Variants in DOCK4 observed in about 807,000 individuals in gnomAD.
DOCK4 encodes dedicator of cytokinesis protein 4.
DOCK4 carries 97 observed loss-of-function variants against 268.1 expected under a neutral mutation model. That is an observed-to-expected ratio of 0.36 (90% CI 0.31 to 0.43). The LOEUF is 0.43. Ranked by LOEUF, DOCK4 falls within the 20% of genes least tolerant of loss-of-function variation. The probability of loss-of-function intolerance (pLI) is 1.00; values close to 1 mark genes in which losing one functional copy is unlikely to be tolerated. For missense variants in DOCK4, 2,145 were observed against 2,455.7 expected (o/e 0.87, Z 2.67); for synonymous variants, 954 against 887.2 (o/e 1.08, Z -1.34).
chr7:112,201,205 G>A (rs927360722), intron 1 of DOCK4, among the ~76,000 whole-genome samples: 2 of 152,216 alleles, frequency 1.3e-5, no homozygotes, highest in South Asian at 4.1e-4. Flanking sequence ...TAACTATCCT[G>A]TATGAATACG....
chr7:111,792,264 T>C (rs1041614447), intron 30 of DOCK4, among the ~76,000 whole-genome samples: 1 of 152,240 alleles, frequency 6.6e-6, no homozygotes, highest in Non-Finnish European at 1.5e-5. Context: ...CCACTTAGAA[T>C]TTACAAGTTG....
chr7:111,960,299 G>A (rs1367992221), intron 8 of DOCK4, among the ~76,000 whole-genome samples: 1 of 150,920 alleles, frequency 6.6e-6, no homozygotes, highest in Non-Finnish European at 1.5e-5. Flanking sequence ...GGGAGGCAGA[G>A]GTTGCAGTGA....
chr7:111,966,010 A>T (rs1797327051), intron 8 of DOCK4, among the ~76,000 whole-genome samples: 1 of 22,472 alleles, frequency 4.4e-5, no homozygotes, highest in Non-Finnish European at 6.8e-5. Context: ...GAAACCAACG[A>T]GAACAAAGAC....
At chr7:112,167,309 G>A (rs756532836) in intron 1 of DOCK4, among the ~76,000 whole-genome samples, 5 of 152,154 alleles carry the variant, frequency 3.3e-5, no homozygotes, top group African/African-American at 4.8e-5. Context: ...ACAGAAGCAG[G>A]TGGTCAAGTA....
intron 12 of DOCK4, among the ~76,000 whole-genome samples, chr7:111,916,327 T>C (rs180764260): frequency 1.3e-5 from 2 of 152,280 alleles, no homozygotes; most frequent in East Asian, 3.9e-4. Context: ...TAGTTGCTTA[T>C]CAAATATCAA....
chr7:112,128,374 G>C (rs914595049), intron 1 of DOCK4, among the ~76,000 whole-genome samples: 50 of 152,246 alleles, frequency 3.3e-4, no homozygotes, highest in Non-Finnish European at 6.3e-4. Flanking sequence ...CTACTGGGAA[G>C]TGAGGAGCCC....
At chr7:111,739,575 C>CA (rs1176568349) in intron 47 of DOCK4, 98 bp from the exon 48 acceptor site, 73 of 1,035,286 alleles carry the variant, frequency 7.1e-5, no homozygotes, top group Non-Finnish European at 7.9e-5. Flanking sequence ...TTCAAATTAG[C>CA]AACAAAAAGT....
At chr7:111,744,951 T>G (rs989072048) in intron 44 of DOCK4, among the ~76,000 whole-genome samples, 1 of 152,222 alleles carries the variant, frequency 6.6e-6, no homozygotes, top group African/African-American at 2.4e-5. Context: ...CATGCTTTAC[T>G]TATTAATTTG....
At chr7:112,156,545 A>T (rs1468116109) in intron 1 of DOCK4, among the ~76,000 whole-genome samples, 1 of 152,196 alleles carries the variant, frequency 6.6e-6, no homozygotes, top group Non-Finnish European at 1.5e-5. Context: ...ATAGAGACAA[A>T]CCCACATAAA....
chr7:112,033,532 T>C (rs1803468735), intron 1 of DOCK4, among the ~76,000 whole-genome samples: 1 of 152,236 alleles, frequency 6.6e-6, no homozygotes, highest in African/African-American at 2.4e-5. Context: ...AATTTCTCAC[T>C]TTCATTCAAA....
intron 34 of DOCK4, 52 bp downstream of exon 34, chr7:111,783,805 A>G: frequency 6.9e-7 from 1 of 1,450,140 alleles, no homozygotes. Flanking sequence ...TTGATTTTCT[A>G]ACTGGAGTTC....
intron 1 of DOCK4, among the ~76,000 whole-genome samples, chr7:112,063,347 A>G (rs1205849327): frequency 6.6e-6 from 1 of 152,204 alleles, no homozygotes; most frequent in Non-Finnish European, 1.5e-5. Context: ...GATGGGGTTC[A>G]GTCCTGATAA....
chr7:111,883,178 T>C (rs1195478551), intron 16 of DOCK4, among the ~76,000 whole-genome samples: 2 of 152,204 alleles, frequency 1.3e-5, no homozygotes, highest in Admixed American at 1.3e-4. Flanking sequence ...AAATGCTTTC[T>C]TCAGGAAAAG....
chr7:111,762,796 G>A (rs1797534510), intron 39 of DOCK4, among the ~76,000 whole-genome samples: 3 of 58,236 alleles, frequency 5.2e-5, no homozygotes. Flanking sequence ...TGGAGACAGG[G>A]TCTCACTGTC....
rs570646706 is a variant in DOCK4, at chr7:111,869,510, T to A, written c.2109+64A>T. 19 of 1,415,692 alleles carry A rather than the reference T, an allele frequency of 1.3e-5. No homozygotes were observed. The African/African-American group carries it at 1.6e-4, about 12-fold the overall frequency. The allele number at this position is 1,415,692 out of a possible 1,614,324, so 87.7% of individuals were successfully genotyped here. A position where few individuals can be genotyped will look rare whatever the true frequency, so the allele number is the denominator to read the frequency against. ...TTACTGTCTGTGTAGAGGAACCAAT[T>A]AGTTTAAGCATCAGCATGCAACAGC... On this transcript the variant is annotated intron_variant, in intron 21 of 52. Transcript: ENST00000428084.
intron 42 of DOCK4, among the ~76,000 whole-genome samples, chr7:111,754,823 C>T (rs1796913355): frequency 6.6e-6 from 1 of 152,180 alleles, no homozygotes; most frequent in South Asian, 2.1e-4. Flanking sequence ...TTACCAGGTT[C>T]TACAGTGGCA....
intron 1 of DOCK4, among the ~76,000 whole-genome samples, chr7:112,120,274 T>G (rs999226208): frequency 1.3e-5 from 2 of 152,162 alleles, no homozygotes; most frequent in Admixed American, 1.3e-4. Flanking sequence ...TATTAATAAT[T>G]GCAGAATTTT....
intron 13 of DOCK4, among the ~76,000 whole-genome samples, chr7:111,912,749 A>G (rs989446515): frequency 4.6e-5 from 7 of 152,168 alleles, no homozygotes; most frequent in Admixed American, 2.0e-4. Context: ...AGACAGAACC[A>G]AGGCTTGTTG....
At chr7:111,865,468 A>C (rs925548375) in intron 22 of DOCK4, among the ~76,000 whole-genome samples, 1 of 152,198 alleles carries the variant, frequency 6.6e-6, no homozygotes, top group African/African-American at 2.4e-5. Context: ...GGAGCAAGAA[A>C]ACCAGGTTTC....
Sources: gnomAD v4.1 joint callset for allele counts (sites outside exome capture counted in the v4.1 genomes callset) on GRCh38, gnomAD v4.1.1 for gene constraint, MANE v1.5 for transcripts, NCBI Gene and HGNC (gene_info 2026-07-23, HGNC 2026-07-21) for gene names.